Variants in CNTNAP2 observed in about 807,000 individuals in gnomAD.
The protein encoded by CNTNAP2 is contactin associated protein 2.
In CNTNAP2, 98 loss-of-function variants were observed where a neutral mutation model predicts 155.2. The ratio of observed to expected loss-of-function variants is 0.63; its 90% confidence interval spans 0.54 to 0.75. CNTNAP2 has a LOEUF of 0.75. CNTNAP2 is among the 30% of genes least tolerant of loss of function. The pLI is 0.00. For synonymous variants in CNTNAP2, 651 were observed against 631.2 expected, an observed-to-expected ratio of 1.03 and a Z score of -0.47; for missense variants, 1,727 against 1,688.1, an observed-to-expected ratio of 1.02 and a Z score of -0.40.
intron 2 of CNTNAP2, among the ~76,000 whole-genome samples, chr7:146,783,707 CA>C (rs1802527989): frequency 6.6e-6 from 1 of 152,144 alleles, no homozygotes; most frequent in Non-Finnish European, 1.5e-5. Context: ...GGTTTTGTTG[CA>C]ATTTCCATAG....
chr7:148,045,277 G>A (rs1469613719), intron 15 of CNTNAP2, among the ~76,000 whole-genome samples: 1 of 151,874 alleles, frequency 6.6e-6, no homozygotes, highest in African/African-American at 2.4e-5. Flanking sequence ...CTTTGTTGGG[G>A]TCTCAGGAGT....
chr7:146,217,846 C>T (rs1799138235), intron 1 of CNTNAP2, among the ~76,000 whole-genome samples: 1 of 151,960 alleles, frequency 6.6e-6, no homozygotes, highest in Admixed American at 6.6e-5. Flanking sequence ...AAAACATATT[C>T]GGTGGTAACA....
At chr7:147,728,409 T>G (rs917163344) in intron 13 of CNTNAP2, among the ~76,000 whole-genome samples, 6 of 152,052 alleles carry the variant, frequency 3.9e-5, no homozygotes, top group Non-Finnish European at 8.8e-5. Flanking sequence ...TAAACTGAAT[T>G]CTTAAAGTTG....
intron 4 of CNTNAP2, among the ~76,000 whole-genome samples, chr7:147,091,520 C>T (rs922420898): frequency 5.3e-5 from 8 of 152,054 alleles, no homozygotes; most frequent in Middle Eastern, 3.2e-3. Flanking sequence ...GGCACGATCT[C>T]GGCTCACTGC....
intron 11 of CNTNAP2, among the ~76,000 whole-genome samples, chr7:147,530,852 A>G (rs1303255101): frequency 6.6e-6 from 1 of 152,212 alleles, no homozygotes; most frequent in East Asian, 1.9e-4. Flanking sequence ...AGACAAGGCA[A>G]GTCCTTTCCA....
rs1385869021 is a variant in CNTNAP2 at position 147,129,236 on chromosome 7, A to G, written c.1083+400A>G. The stretch of plus-strand genomic sequence containing the variant: ...TATTTTTAAAGTTTTTAAATCAGGG[A>G]CTTTATTATATTTACTCCTGTGCTT... On this transcript the variant is annotated intron_variant, in intron 7 of 23. Transcript: ENST00000361727. Among the ~76,000 whole-genome samples the G allele has an allele frequency of 1.3e-5, 2 of 152,158 alleles. 1 individual carries two copies. The highest frequency in any genetic ancestry group is 4.1e-4 in the South Asian group (2 of 4,832).
At chr7:146,952,980 A>G (rs1276435587) in intron 3 of CNTNAP2, among the ~76,000 whole-genome samples, 1 of 152,088 alleles carries the variant, frequency 6.6e-6, no homozygotes, top group Non-Finnish European at 1.5e-5. Flanking sequence ...CTGAGATGAT[A>G]GTTGATCTGT....
chr7:148,126,507 C>A (rs1804717918), intron 16 of CNTNAP2, among the ~76,000 whole-genome samples: 1 of 152,180 alleles, frequency 6.6e-6, no homozygotes. Flanking sequence ...AATTTTGGAA[C>A]TCACGATTTC....
At chr7:147,897,775 A>G (rs1461085452) in intron 13 of CNTNAP2, among the ~76,000 whole-genome samples, 4 of 152,202 alleles carry the variant, frequency 2.6e-5, no homozygotes, top group Non-Finnish European at 5.9e-5. Context: ...GGGATATTTC[A>G]ACGCTTATTT....
intron 13 of CNTNAP2, among the ~76,000 whole-genome samples, chr7:147,777,620 G>A (rs1229923881): frequency 6.6e-6 from 1 of 152,106 alleles, no homozygotes; most frequent in Non-Finnish European, 1.5e-5. Flanking sequence ...TAAGTGGCAG[G>A]AATAAAACTG....
At chr7:148,161,760 T>C (rs916399499) in intron 17 of CNTNAP2, among the ~76,000 whole-genome samples, 1 of 152,244 alleles carries the variant, frequency 6.6e-6, no homozygotes, top group Non-Finnish European at 1.5e-5. Flanking sequence ...TTGTCTGATT[T>C]TCCTTGACTT....
At chr7:147,746,342 T>A in intron 13 of CNTNAP2, among the ~76,000 whole-genome samples, 1 of 152,164 alleles carries the variant, frequency 6.6e-6, no homozygotes, top group Admixed American at 6.5e-5. Context: ...AAAACTCAGC[T>A]TTTTCTTTCT....
chr7:148,185,286 A>G (rs1382603717), intron 18 of CNTNAP2, among the ~76,000 whole-genome samples: 1 of 152,204 alleles, frequency 6.6e-6, no homozygotes, highest in Admixed American at 6.5e-5. Flanking sequence ...TGTCTCTGTC[A>G]TGGAATTGGC....
intron 1 of CNTNAP2, among the ~76,000 whole-genome samples, chr7:146,720,976 G>T (rs971443629): frequency 5.2e-4 from 52 of 100,328 alleles, no homozygotes; most frequent in African/African-American, 2.1e-3. Flanking sequence ...TATATATATA[G>T]ACTATATATA....
chr7:147,740,390 T>C (rs1343375889), intron 13 of CNTNAP2, among the ~76,000 whole-genome samples: 3 of 152,216 alleles, frequency 2.0e-5, no homozygotes, highest in Non-Finnish European at 4.4e-5. Context: ...AACACATTTG[T>C]GTAGCAATGC....
intron 13 of CNTNAP2, among the ~76,000 whole-genome samples, chr7:147,743,931 C>T (rs1264875078): frequency 6.6e-6 from 1 of 152,190 alleles, no homozygotes; most frequent in Non-Finnish European, 1.5e-5. Flanking sequence ...CGAAACCCAC[C>T]TCTGCCTTAT....
intron 1 of CNTNAP2, among the ~76,000 whole-genome samples, chr7:146,571,366 A>G (rs1327211073): frequency 2.0e-5 from 3 of 152,130 alleles, no homozygotes; most frequent in Non-Finnish European, 2.9e-5. Flanking sequence ...GTATAATGCT[A>G]TGTTTTCAGA....
At chr7:147,504,059 T>C (rs989287163) in intron 11 of CNTNAP2, among the ~76,000 whole-genome samples, 2 of 152,234 alleles carry the variant, frequency 1.3e-5, no homozygotes, top group African/African-American at 4.8e-5. Flanking sequence ...GTTGATTTTG[T>C]GAAATCTGTG....
chr7:148,383,213 A>G (rs1274412516), intron 21 of CNTNAP2, among the ~76,000 whole-genome samples: 2 of 147,938 alleles, frequency 1.4e-5, no homozygotes, highest in Non-Finnish European at 3.0e-5. Flanking sequence ...TTTTTAAAGA[A>G]TTCTGAAGAA....
Sources: gnomAD v4.1 joint callset for allele counts (sites outside exome capture counted in the v4.1 genomes callset) on GRCh38, gnomAD v4.1.1 for gene constraint, MANE v1.5 for transcripts, NCBI Gene and HGNC (gene_info 2026-07-23, HGNC 2026-07-21) for gene names.